TES: variants seen among roughly 807,000 people sequenced by gnomAD.
The protein encoded by TES is testin LIM domain protein, also known as testin.
In TES, 41 loss-of-function variants were observed where a neutral mutation model predicts 48.2. The ratio of observed to expected loss-of-function variants is 0.85; its 90% CI spans 0.66 to 1.10. The LOEUF (loss-of-function observed/expected upper bound fraction) is 1.10, where lower values mean the gene tolerates loss of function less well. Among genes scored for constraint, TES ranks in the 50% least tolerant of loss-of-function variants. The probability of loss-of-function intolerance (pLI) is 0.00; values close to 1 mark genes in which losing one functional copy is unlikely to be tolerated. For synonymous variants in TES, 162 were observed against 174.9 expected, an observed-to-expected ratio of 0.93 and a Z score of 0.58; for missense variants, 463 against 515.1, an observed-to-expected ratio of 0.90 and a Z score of 0.98.
chr7:116,234,721 T>A (rs371648769), intron 2 of TES, 102 bp downstream of exon 2: 4 of 901,804 alleles, frequency 4.4e-6, no homozygotes, highest in Non-Finnish European at 7.3e-6. Flanking sequence ...GGTTGCTAAG[T>A]TGCAGACCTG....
At position 116,257,356 on chromosome 7, in the gene TES, C is replaced by A. The variant is rs575333433; in HGVS notation, c.1140C>A (p.Phe380Leu). 2.5e-6 allele frequency: 4 copies of A among 1,614,020 alleles called. 1 individual carries two copies. In the African/African-American group the frequency reaches 4.0e-5, roughly 16 times the overall value. ...TGCAGCGGGTGACCTATAACAATTTCAGCTGGCATGCATCCACAGAGTGCT... is the reference window on the plus strand; with the variant it reads ...TGCAGCGGGTGACCTATAACAATTTAAGCTGGCATGCATCCACAGAGTGCT... ...PEVQRVTYNNFSWHASTECFL... is the reference protein window; with the variant it reads ...PEVQRVTYNNLSWHASTECFL... Residue 380 changes from phenylalanine (F) to leucine (L), a missense_variant, in exon 7 of 7, where the codon TTC (phenylalanine) becomes TTA (leucine). Physicochemically the swap from Phe to Leu is conservative, Grantham distance 22. Coordinates refer to ENST00000358204, the MANE Select transcript of TES (RefSeq NM_015641.4).
At chr7:116,254,895 C>T (rs1287381280) in intron 6 of TES, among the ~76,000 whole-genome samples, 1 of 151,556 alleles carries the variant, frequency 6.6e-6, no homozygotes, top group African/African-American at 2.4e-5. Flanking sequence ...AGAACAGATT[C>T]CAGCTAACAG....
chr7:116,225,974 A>G (rs1013820643), intron 1 of TES, among the ~76,000 whole-genome samples: 3 of 152,176 alleles, frequency 2.0e-5, no homozygotes, highest in Admixed American at 6.5e-5. Flanking sequence ...TCAGACTCTC[A>G]TAAGATTGTT....
rs116138989 is a variant in TES at position 116,227,271 on chromosome 7, C to T, written c.28-7263C>T. Among the ~76,000 whole-genome samples, 507 of 151,578 alleles carry T rather than the reference C, an allele frequency of 3.3e-3. 3 individuals are homozygous for T. The highest frequency in any genetic ancestry group is 0.012 in the African/African-American group (479 of 41,378). ...AGCTGGGATTACAGGCATCTATCAC[C>T]GCGCCCGGCTATTTTTTGTATTTTT... is the stretch of plus-strand genomic sequence containing the variant. On this transcript the variant is annotated intron_variant, in intron 1 of 6. Transcript: ENST00000358204.
chr7:116,218,276 A>G (rs1475462454), intron 1 of TES, among the ~76,000 whole-genome samples: 2 of 150,276 alleles, frequency 1.3e-5, no homozygotes, highest in African/African-American at 4.9e-5. Context: ...TGTTCATTGC[A>G]TAGCTTATCT....
intron 6 of TES, among the ~76,000 whole-genome samples, chr7:116,254,744 AAAAAT>A (rs1195207563): frequency 5.0e-4 from 47 of 93,652 alleles, no homozygotes; most frequent in African/African-American, 2.0e-3. Context: ...CCGTCTCAAA[AAAAAT>A]ATATATATAT....
chr7:116,251,209 A>C (rs1219557118), intron 4 of TES, among the ~76,000 whole-genome samples: 1 of 152,234 alleles, frequency 6.6e-6, no homozygotes, highest in Non-Finnish European at 1.5e-5. Context: ...TAATTCAGGA[A>C]ATAATGCCTG....
In TES at chr7:116,248,510, C is replaced by T. The variant is rs117219468; in HGVS notation, c.114-510C>T. 1.0e-3 allele frequency among the ~76,000 whole-genome samples: 152 copies of T among 152,162 alleles called. 2 individuals are homozygous for T. The highest frequency in any genetic ancestry group is 8.9e-3 in the East Asian group (46 of 5,172). The stretch of plus-strand genomic sequence containing the variant: ...CTGATGGAAGATGGCATCTCATCAT[C>T]GTTTTGATTTGCATTCCTTAATGAT... On this transcript the variant is annotated intron_variant, in intron 2 of 6. Transcript: ENST00000358204.
At chr7:116,233,857 G>C (rs1425608935) in intron 1 of TES, among the ~76,000 whole-genome samples, 1 of 152,272 alleles carries the variant, frequency 6.6e-6, no homozygotes, top group South Asian at 2.1e-4. Context: ...TCACATGGAG[G>C]AAGGTTCAGA....
At chr7:116,224,997 TC>T (rs1160532719) in intron 1 of TES, among the ~76,000 whole-genome samples, 1 of 152,064 alleles carries the variant, frequency 6.6e-6, no homozygotes, top group African/African-American at 2.4e-5. Flanking sequence ...AGTCTCAATT[TC>T]CTTTTTATGA....
chr7:116,240,963 C>T (rs1438361657), intron 2 of TES, among the ~76,000 whole-genome samples: 5 of 152,160 alleles, frequency 3.3e-5, no homozygotes, highest in African/African-American at 9.7e-5. Context: ...GGGTATTGTG[C>T]TCACCCATAC....
chr7:116,210,674 TAGG>T lies in TES; in HGVS notation c.-24_-22del, dbSNP rs750187390. 2.1e-5 allele frequency: 28 copies of T among 1,303,748 alleles called. No individual in the cohort carries two copies. The highest frequency in any genetic ancestry group is 1.5e-4 in the South Asian group (6 of 41,246). 80.8% of individuals were successfully genotyped at this position (1,303,748 alleles called of 1,614,324 possible). A position where few individuals can be genotyped will look rare whatever the true frequency, so the allele number is the denominator to read the frequency against. ...CTGAACCCGGCCGTGGGATCCCGGA[TAGG>T]AGGAGGAGGGGACCCATAGGACGCG... is the stretch of plus-strand genomic sequence containing the variant. On this transcript the variant is annotated 5_prime_UTR_variant, in exon 1 of 7. Transcript: ENST00000358204.
rs191803770 is a variant in TES, at chr7:116,234,668, A to G, written c.113+49A>G. ...ACATTAGTAATTTATACTTTTTGCA[A>G]TACTTCCTCAGACAGTGGAGATATC... On this transcript the variant is annotated intron_variant, in intron 2 of 6. Transcript: ENST00000358204. The G allele has an allele frequency of 9.0e-5, 132 of 1,468,096 alleles. 1 individual carries two copies. The African/African-American group carries it at 1.4e-3, about 16-fold the overall frequency. The allele number at this position is 1,468,096 out of a possible 1,614,324, so 90.9% of individuals were successfully genotyped here. A position where few individuals can be genotyped will look rare whatever the true frequency, so the allele number is the denominator to read the frequency against.
chr7:116,229,728 C>G (rs1354948629), intron 1 of TES, among the ~76,000 whole-genome samples: 1 of 152,206 alleles, frequency 6.6e-6, no homozygotes, highest in Non-Finnish European at 1.5e-5. Context: ...TTGCCTCACA[C>G]TGGTAGAGGT....
At chr7:116,252,206 G>A (rs1800025718) in intron 5 of TES, 112 bp from the exon 6 acceptor site, 1 of 1,231,670 alleles carries the variant, frequency 8.1e-7, no homozygotes, top group Non-Finnish European at 1.1e-6. Context: ...GATAGCATAA[G>A]TTCAAGCTTT....
intron 1 of TES, among the ~76,000 whole-genome samples, chr7:116,214,838 A>G (rs1799476733): frequency 6.6e-6 from 1 of 152,028 alleles, no homozygotes; most frequent in Admixed American, 6.6e-5. Flanking sequence ...TCAAGGACCA[A>G]CCCTTCACAC....
intron 6 of TES, among the ~76,000 whole-genome samples, chr7:116,256,828 T>G (rs1800106389): frequency 6.6e-6 from 1 of 152,242 alleles, no homozygotes; most frequent in African/African-American, 2.4e-5. Flanking sequence ...CCTTAATTAC[T>G]TTGAACATGA....
chr7:116,257,144 A>C (rs1265585618), intron 6 of TES, 150 bp from the exon 7 acceptor site: 2 of 761,550 alleles, frequency 2.6e-6, no homozygotes, highest in East Asian at 5.9e-5. Flanking sequence ...TTGGCCAAAA[A>C]GGTTAGCTAG....
rs759782580 is a variant in TES, at chr7:116,251,962, C to T, written c.905C>T (p.Ala302Val). ...TGTGACAGCGAGAAACCCCGATGTG[C>T]TGGCTGTGACGAGGTATGTTCTATG... The part of the protein sequence containing the change: ...HYCDSEKPRC[A>V]GCDELIFSNE... The change falls in exon 5 of 7, where the codon GCT (alanine) becomes GTT (valine). Residue 302 changes from alanine (A) to valine (V), a missense_variant. Transcript: ENST00000358204. 6.2e-7 allele frequency: 1 copy of T among 1,614,162 alleles called. No individual in the cohort carries two copies. Among genetic ancestry groups the T allele is most frequent in the Admixed American group, 1.7e-5 (1 of 60,028 alleles).
Sources: gnomAD v4.1 joint callset for allele counts (sites outside exome capture counted in the v4.1 genomes callset) on GRCh38, gnomAD v4.1.1 for gene constraint, MANE v1.5 for transcripts, NCBI Gene and HGNC (gene_info 2026-07-23, HGNC 2026-07-21) for gene names.